PCDHGA11: variants seen among roughly 807,000 people sequenced by gnomAD.
PCDHGA11 encodes the protein protocadherin gamma subfamily A, 11, also known as protocadherin gamma-A11.
A neutral mutation model predicts 60.4 loss-of-function variants in PCDHGA11; 39 were observed. The observed-to-expected ratio is 0.65, with a 90% CI of 0.50 to 0.84. PCDHGA11 has a LOEUF of 0.84. Among genes scored for constraint, PCDHGA11 ranks in the 40% least tolerant of loss-of-function variants. PCDHGA11 has a pLI of 0.00. For synonymous variants in PCDHGA11, 533 were observed against 510.3 expected, an observed-to-expected ratio of 1.04 and a Z score of -0.60; for missense variants, 1,165 against 1,197.7, an observed-to-expected ratio of 0.97 and a Z score of 0.40.
Position 141,423,756 on chromosome 5 carries a change from G to GA in PCDHGA11, c.2433+96_2433+97insA. ...GCCTGTTATGAAAACTGTTTGGGGGGGGGGTGGGGCGGCATATATTTAGTT... is the reference window on the plus strand; with the variant it reads ...GCCTGTTATGAAAACTGTTTGGGGGGAGGGGTGGGGCGGCATATATTTAGTT... On this transcript the variant is annotated intron_variant, in intron 1 of 3. Transcript: ENST00000398587. 2 of 448,622 alleles carry GA rather than the reference G, an allele frequency of 4.5e-6. 1 individual carries two copies. The highest frequency in any genetic ancestry group is 6.1e-6 in the Non-Finnish European group (2 of 329,708). 27.8% of individuals were successfully genotyped at this position (448,622 alleles called of 1,614,324 possible). A position where few individuals can be genotyped will look rare whatever the true frequency, so the allele number is the denominator to read the frequency against.
chr5:141,489,666 C>A lies in PCDHGA11; in HGVS notation c.2434-5141C>A. On this transcript the variant is annotated intron_variant, in intron 1 of 3. Transcript: ENST00000398587. The surrounding 1 kb of genome is among the most constrained non-coding windows in gnomAD (Gnocchi z 4.5). ...CCACCCCTGAGCGAGAGATGCGCAT[C>A]TCAGAATCAGCAGCATCTGGGGCAC... 1.2e-6 allele frequency: 2 copies of A among 1,614,222 alleles called. No homozygotes were observed. Among genetic ancestry groups the A allele is most frequent in the Non-Finnish European group, 1.7e-6 (2 of 1,180,036 alleles).
Position 141,477,554 on chromosome 5 carries a change from A to T in PCDHGA11, c.2434-17253A>T. The T allele has an allele frequency of 6.2e-7, 1 of 1,614,112 alleles. No homozygotes were observed. Among genetic ancestry groups the T allele is most frequent in the South Asian group, 1.1e-5 (1 of 91,086 alleles). Reference sequence around the variant, plus strand: ...CCCCGGGGCTCCAATACTAAACCTAAGTGTCTGGGACCCCGACGCCCCGCA... The same window carrying T: ...CCCCGGGGCTCCAATACTAAACCTATGTGTCTGGGACCCCGACGCCCCGCA... On this transcript the variant is annotated intron_variant, in intron 1 of 3. Transcript: ENST00000398587. This position sits in a 1 kb window ranked among gnomAD's most constrained non-coding sequence, Gnocchi z 4.9.
At position 141,489,888 on chromosome 5, in the gene PCDHGA11, T is replaced by TG. The variant is rs759744295; in HGVS notation, c.2434-4913dup. On this transcript the variant is annotated intron_variant, in intron 1 of 3. Coordinates refer to ENST00000398587, the MANE Select transcript of PCDHGA11 (RefSeq NM_018914.3). The surrounding 1 kb of genome is among the most constrained non-coding windows in gnomAD (Gnocchi z 4.5). ...ATCAGCTGGTGCTTACTGCTGTGGATGGGGGGACCCCAGCCCGCTCAGGGA... is the reference window on the plus strand; with the variant it reads ...ATCAGCTGGTGCTTACTGCTGTGGATGGGGGGGACCCCAGCCCGCTCAGGGA... 6.4e-5 allele frequency: 103 copies of TG among 1,614,088 alleles called. No individual in the cohort carries two copies. Among genetic ancestry groups the TG allele is most frequent in the Non-Finnish European group, 8.6e-5 (101 of 1,180,048 alleles).
chr5:141,427,787 C>T, intron 1 of PCDHGA11: 1 of 1,478,068 alleles, frequency 6.8e-7, no homozygotes, highest in Non-Finnish European at 9.4e-7. Flanking sequence ...CACTGTCGTC[C>T]TACGTGTCCG....
At chr5:141,427,898 C>T in intron 1 of PCDHGA11, 4 of 1,570,874 alleles carry the variant, frequency 2.5e-6, no homozygotes, top group African/African-American at 1.3e-5. Flanking sequence ...AGGGCTCGCC[C>T]GCGCTCAGCG....
Position 141,485,117 on chromosome 5 carries a change from G to A in PCDHGA11, c.2434-9690G>A. The A allele has an allele frequency of 3.0e-6, 4 of 1,326,200 alleles. No homozygotes were observed. The highest frequency in any genetic ancestry group is 4.3e-6 in the Non-Finnish European group (4 of 933,470). 82.2% of individuals were successfully genotyped at this position (1,326,200 alleles called of 1,614,324 possible). On this transcript the variant is annotated intron_variant, in intron 1 of 3. Transcript: ENST00000398587. The surrounding 1 kb of genome is among the most constrained non-coding windows in gnomAD (Gnocchi z 5.7). ...GTCTCCAGCTGCTGTGGCTGTTTGG[G>A]GCGGGTCGGCTTCATCCGCGTCTCA...
In PCDHGA11 at chr5:141,432,785, G is replaced by A. The variant is rs1356593437; in HGVS notation, c.2433+9125G>A. 2.5e-6 allele frequency: 4 copies of A among 1,613,992 alleles called. No individual in the cohort carries two copies. The African/African-American group carries it at 4.0e-5, about 16-fold the overall frequency. On this transcript the variant is annotated intron_variant, in intron 1 of 3. Transcript: ENST00000398587. The surrounding 1 kb of genome is among the most constrained non-coding windows in gnomAD (Gnocchi z 6.0). ...CATCCCCCAAGTCCTGGCGGACCTC[G>A]GCAGCCTCGAGTCTCCAGCTAACTC...
In PCDHGA11 at chr5:141,422,302, G is replaced by A. The variant is rs749870505; in HGVS notation, c.1075G>A (p.Glu359Lys). The change falls in exon 1 of 4, where the codon GAA (glutamate) becomes AAA (lysine). Residue 359 changes from glutamate (E) to lysine (K), a missense_variant. Coordinates refer to ENST00000398587, the MANE Select transcript of PCDHGA11 (RefSeq NM_018914.3). Reference protein sequence around the residue: ...TITSSINSILENSPPGTVIAL... With the variant: ...TITSSINSILKNSPPGTVIAL... Reference sequence around the variant, plus strand: ...CACCTCTTCTATTAATTCAATTCTGGAAAACTCTCCTCCAGGTACAGTGAT... The same window carrying A: ...CACCTCTTCTATTAATTCAATTCTGAAAAACTCTCCTCCAGGTACAGTGAT... 2 of 1,549,012 alleles carry A rather than the reference G, an allele frequency of 1.3e-6. No individual in the cohort carries two copies. Among genetic ancestry groups the A allele is most frequent in the Admixed American group, 4.3e-5 (2 of 46,960 alleles).
chr5:141,505,523 G>A, intron 3 of PCDHGA11, 42 bp downstream of exon 3: 1 of 1,612,760 alleles, frequency 6.2e-7, no homozygotes, highest in Middle Eastern at 1.7e-4. Flanking sequence ...GGGAGACCTG[G>A]GGTTCTGGGG....
In PCDHGA11 at chr5:141,432,601, G is replaced by A. The variant is rs1313279772; in HGVS notation, c.2433+8941G>A. The A allele has an allele frequency of 5.6e-6, 9 of 1,613,950 alleles. No homozygotes were observed. Among genetic ancestry groups the A allele is most frequent in the Admixed American group, 1.7e-5 (1 of 60,030 alleles). On this transcript the variant is annotated intron_variant, in intron 1 of 3. Transcript: ENST00000398587. The surrounding 1 kb of genome is among the most constrained non-coding windows in gnomAD (Gnocchi z 6.0). ...ACCGTCTGCTCAAGGCCAGCGAGCC[G>A]GGACTCTTCTCGGTGGGTCTGCACA...
chr5:141,491,571 C>CT lies in PCDHGA11; in HGVS notation c.2434-3232dup. On this transcript the variant is annotated intron_variant, in intron 1 of 3. Coordinates refer to ENST00000398587, the MANE Select transcript of PCDHGA11 (RefSeq NM_018914.3). The surrounding 1 kb of genome is among the most constrained non-coding windows in gnomAD (Gnocchi z 6.9). ...CGCAGAGCCACTGCTACAGGACGTG[C>CT]TTTTCACCGGCCTCGGACGGCAGTG... 6.2e-7 allele frequency: 1 copy of CT among 1,614,026 alleles called. No homozygotes were observed. Among genetic ancestry groups the CT allele is most frequent in the Non-Finnish European group, 8.5e-7 (1 of 1,180,042 alleles).
chr5:141,432,589 G>T lies in PCDHGA11; in HGVS notation c.2433+8929G>T. ...CCTGGCTGTCCTACCGTCTGCTCAA[G>T]GCCAGCGAGCCGGGACTCTTCTCGG... On this transcript the variant is annotated intron_variant, in intron 1 of 3. Transcript: ENST00000398587. The surrounding 1 kb of genome is among the most constrained non-coding windows in gnomAD (Gnocchi z 6.0). 1 of 1,613,916 alleles carries T rather than the reference G, an allele frequency of 6.2e-7. No individual in the cohort carries two copies. Among genetic ancestry groups the T allele is most frequent in the Non-Finnish European group, 8.5e-7 (1 of 1,179,974 alleles).
chr5:141,466,206 T>C (rs2099118813), intron 1 of PCDHGA11, among the ~76,000 whole-genome samples: 1 of 152,126 alleles, frequency 6.6e-6, no homozygotes, highest in Admixed American at 6.5e-5. Flanking sequence ...AGCCTTGCTC[T>C]GTTACCCAGG....
intron 1 of PCDHGA11, among the ~76,000 whole-genome samples, chr5:141,444,062 A>G (rs1335403906): frequency 6.7e-6 from 1 of 149,402 alleles, no homozygotes; most frequent in African/African-American, 2.5e-5. Context: ...TTCAATCTAG[A>G]TTCTGATGCT....
At chr5:141,453,379 C>T (rs980792532) in intron 1 of PCDHGA11, among the ~76,000 whole-genome samples, 1 of 152,050 alleles carries the variant, frequency 6.6e-6, no homozygotes, top group Non-Finnish European at 1.5e-5. Context: ...AGTGATCCTC[C>T]TGCCTTAGCC....
chr5:141,452,654 T>C (rs2098746449), intron 1 of PCDHGA11, among the ~76,000 whole-genome samples: 1 of 151,162 alleles, frequency 6.6e-6, no homozygotes, highest in Non-Finnish European at 1.5e-5. Context: ...ATTTGCTCCA[T>C]CCACTGCACT....
intron 1 of PCDHGA11, among the ~76,000 whole-genome samples, chr5:141,446,621 C>G (rs1284919173): frequency 6.6e-6 from 1 of 152,094 alleles, no homozygotes; most frequent in African/African-American, 2.4e-5. Context: ...GGACTACAGG[C>G]GTGCACCACC....
In PCDHGA11 at chr5:141,471,102, G is replaced by A. The variant is rs922174682; in HGVS notation, c.2434-23705G>A. 3.4e-5 allele frequency among the ~76,000 whole-genome samples: 5 copies of A among 146,522 alleles called. No individual in the cohort carries two copies. The Admixed American group carries it at 3.5e-4, about 10-fold the overall frequency. On this transcript the variant is annotated intron_variant, in intron 1 of 3. Coordinates refer to ENST00000398587, the MANE Select transcript of PCDHGA11 (RefSeq NM_018914.3). ...CTCCCTCTGTTGTCCAGGCTAGAGTGCAGTGGTGCGATCTTACCTTCACTG... is the reference window on the plus strand; with the variant it reads ...CTCCCTCTGTTGTCCAGGCTAGAGTACAGTGGTGCGATCTTACCTTCACTG...
intron 2 of PCDHGA11, among the ~76,000 whole-genome samples, chr5:141,496,206 A>C (rs2099766963): frequency 6.6e-6 from 1 of 152,126 alleles, no homozygotes; most frequent in South Asian, 2.1e-4. Context: ...TCAATCTGGT[A>C]TGAATTCCTG....
Sources: allele counts gnomAD v4.1 joint callset (sites outside exome capture counted in the v4.1 genomes callset), GRCh38; gene constraint gnomAD v4.1.1; non-coding constraint Gnocchi (gnomAD v3.1); transcripts MANE v1.5; gene names NCBI Gene and HGNC (gene_info 2026-07-23, HGNC 2026-07-21).